The following SYNE1 variants were observed in gnomAD, a reference collection of about 807,000 sequenced individuals.
The protein encoded by SYNE1 is spectrin repeat containing nuclear envelope protein 1.
SYNE1 carries 616 observed loss-of-function variants against 1,111.0 expected under a neutral mutation model. The observed-to-expected ratio is 0.55, with a 90% CI of 0.52 to 0.59. The LOEUF (loss-of-function observed/expected upper bound fraction) is 0.59. Ranked by LOEUF, SYNE1 falls within the 20% of genes least tolerant of loss-of-function variation. The probability of loss-of-function intolerance (pLI) is 0.00; values close to 1 mark genes in which losing one functional copy is unlikely to be tolerated. For missense variants in SYNE1, 10,006 were observed against 10,417.0 expected, an observed-to-expected ratio of 0.96 and a Z score of 1.72; for synonymous variants, 3,855 against 3,825.8, an observed-to-expected ratio of 1.01 and a Z score of -0.28.
intron 135 of SYNE1, 39 bp downstream of exon 135, chr6:152,151,514 G>T (rs1181748775): frequency 6.2e-7 from 1 of 1,611,590 alleles, no homozygotes. Flanking sequence ...TCATTTTCAG[G>T]CTTTCTTCAC....
chr6:152,492,209 T>C (rs950155369), intron 11 of SYNE1, among the ~76,000 whole-genome samples: 2 of 152,210 alleles, frequency 1.3e-5, no homozygotes, highest in Admixed American at 6.5e-5. Flanking sequence ...ATTCTCAATA[T>C]GCATTTTACT....
In SYNE1 at chr6:152,121,971, T is replaced by C. The variant is rs578083197; in HGVS notation, c.*465A>G. On this transcript the variant is annotated 3_prime_UTR_variant, in exon 146 of 146. Coordinates refer to ENST00000367255, the MANE Select transcript of SYNE1 (RefSeq NM_182961.4). ...CTGCCATATAAGCTCTTAAAAATTG[T>C]ATGTTACAAGGTTCTAAAATCTCTT... is the stretch of plus-strand genomic sequence containing the variant. The C allele has an allele frequency of 1.2e-5, 2 of 167,442 alleles. No homozygotes were observed. The highest frequency in any genetic ancestry group is 1.5e-4 in the East Asian group (1 of 6,468). The allele number at this position is 167,442 out of a possible 1,614,324, so 10.4% of individuals were successfully genotyped here. A position where few individuals can be genotyped will look rare whatever the true frequency, so the allele number is the denominator to read the frequency against.
intron 77 of SYNE1, among the ~76,000 whole-genome samples, chr6:152,333,647 T>C (rs1055148061): frequency 1.3e-5 from 2 of 152,160 alleles, no homozygotes; most frequent in Non-Finnish European, 2.9e-5. Context: ...TATTTTATTT[T>C]TTTGAGACAG....
chr6:152,331,905 A>C lies in SYNE1; in HGVS notation c.12795-15T>G, dbSNP rs1157225977. 8 of 1,607,980 alleles carry C rather than the reference A, an allele frequency of 5.0e-6. No individual in the cohort carries two copies. The highest frequency in any genetic ancestry group is 1.6e-4 in the Middle Eastern group (1 of 6,062). On this transcript the variant is annotated splice_polypyrimidine_tract_variant and intron_variant, in intron 77 of 145. Transcript: ENST00000367255. ...CTGCATCAGATCTGAAAATACATGGAAAGGTATAAGAGCAAATTAGCTGTA... is the reference window on the plus strand; with the variant it reads ...CTGCATCAGATCTGAAAATACATGGCAAGGTATAAGAGCAAATTAGCTGTA...
Position 152,156,005 on chromosome 6 carries a change from G to A in SYNE1, c.23883C>T (p.Ala7961=), listed in dbSNP as rs746786933. ...EVLLHDCDAC[A]TDAECDSIQQ... ...GTATAGAGTCACACTCGGCATCAGT[G>A]GCACAGGCGTCACAGTCGTGCAGCA... Residue 7961 remains alanine, a synonymous_variant, in exon 132 of 146, where the codon GCC becomes GCT. Transcript: ENST00000367255. 2 of 1,614,078 alleles carry A rather than the reference G, an allele frequency of 1.2e-6. No individual in the cohort carries two copies. Among genetic ancestry groups the A allele is most frequent in the Non-Finnish European group, 1.7e-6 (2 of 1,180,046 alleles).
chr6:152,545,636 A>G (rs2128078407), intron 3 of SYNE1, among the ~76,000 whole-genome samples: 1 of 152,316 alleles, frequency 6.6e-6, no homozygotes, highest in South Asian at 2.1e-4. Flanking sequence ...ACATAATTAT[A>G]TATAGGTAAG....
chr6:152,372,891 T>C, intron 59 of SYNE1, 146 bp downstream of exon 59: 1 of 852,780 alleles, frequency 1.2e-6, no homozygotes, highest in Non-Finnish European at 2.0e-6. Context: ...TATTCCTTAC[T>C]GTTAGCCCAT....
At chr6:152,162,220 A>C (rs2062659787) in intron 131 of SYNE1, among the ~76,000 whole-genome samples, 2 of 152,188 alleles carry the variant, frequency 1.3e-5, no homozygotes, top group African/African-American at 2.4e-5. Flanking sequence ...CCACTTTCTG[A>C]GCCTTCTTCG....
intron 3 of SYNE1, among the ~76,000 whole-genome samples, chr6:152,592,977 T>G (rs903633262): frequency 2.0e-5 from 3 of 152,230 alleles, no homozygotes; most frequent in Non-Finnish European, 4.4e-5. Flanking sequence ...GGGTGGGCTC[T>G]GACCACCCGC....
chr6:152,411,733 A>C lies in SYNE1; in HGVS notation c.6230+1619T>G, dbSNP rs546025146. ...GTCACACACACACACACACACCCCCACACACACACACACAGAGATGGCTCT... is the reference window on the plus strand; with the variant it reads ...GTCACACACACACACACACACCCCCCCACACACACACACAGAGATGGCTCT... On this transcript the variant is annotated intron_variant, in intron 42 of 145. Coordinates refer to ENST00000367255, the MANE Select transcript of SYNE1 (RefSeq NM_182961.4). Among the ~76,000 whole-genome samples, 269 of 145,130 alleles carry C rather than the reference A, an allele frequency of 1.9e-3. 2 individuals carry two copies. Among genetic ancestry groups the C allele is most frequent in the African/African-American group, 2.0e-3 (77 of 39,074 alleles).
At position 152,221,626 on chromosome 6, in the gene SYNE1, G is replaced by T. The variant is rs1588129866; in HGVS notation, c.21523-67C>A. 7.5e-6 allele frequency: 12 copies of T among 1,599,204 alleles called. No homozygotes were observed. The East Asian group carries it at 2.5e-4, about 33-fold the overall frequency. On this transcript the variant is annotated intron_variant, in intron 117 of 145. Transcript: ENST00000367255. ...AAATTCTAATAAGCAAGTTTAAAAG[G>T]AATTTGTATATGTTTTCATAAATAT...
At chr6:152,465,851 T>G in intron 17 of SYNE1, 131 bp downstream of exon 17, 1 of 694,910 alleles carries the variant, frequency 1.4e-6, no homozygotes, top group Non-Finnish European at 2.6e-6. Context: ...ATCCAGTATG[T>G]GTTCTCCTGG....
chr6:152,167,480 A>G (rs974343419), intron 130 of SYNE1, among the ~76,000 whole-genome samples: 21 of 152,178 alleles, frequency 1.4e-4, no homozygotes, highest in African/African-American at 5.1e-4. Context: ...TTCCTGTCAT[A>G]TTTTTATTCT....
At chr6:152,253,817 GGTTTTTTT>G (rs2090044273) in intron 104 of SYNE1, among the ~76,000 whole-genome samples, 15 of 59,152 alleles carry the variant, frequency 2.5e-4, no homozygotes, top group African/African-American at 9.7e-4. Context: ...GTAGTGGTTT[GGTTTTTTT>G]TTTTTTTTTT....
At chr6:152,201,682 C>T in intron 127 of SYNE1, 142 bp downstream of exon 127, 2 of 1,196,202 alleles carry the variant, frequency 1.7e-6, no homozygotes, top group Non-Finnish European at 2.5e-6. Flanking sequence ...ACAAGTTTCA[C>T]CTGAGTTGCC....
intron 101 of SYNE1, among the ~76,000 whole-genome samples, chr6:152,261,707 T>A (rs1445079880): frequency 6.6e-6 from 1 of 152,214 alleles, no homozygotes; most frequent in Non-Finnish European, 1.5e-5. Flanking sequence ...ATCCTTGATT[T>A]CCATCCTTAC....
At position 152,151,653 on chromosome 6, in the gene SYNE1, C is replaced by T. The variant is rs777435137; in HGVS notation, c.24350G>A (p.Arg8117Gln). ...IGQREEFETA[R>Q]DSILVWLTEM... is the part of the protein sequence containing the mutation. ...TGTGAGCCAGACCAGAATGCTGTCC[C>T]GCGCAGTCTCAAACTCCTCACGCTG... The change falls in exon 135 of 146, where the codon CGG becomes CAG. Residue 8117 changes from arginine (R) to glutamine (Q), a missense_variant. This residue lies in a region of SYNE1 where 34 missense variants were observed against 68.3 expected (regional missense o/e 0.50). Coordinates refer to ENST00000367255, the MANE Select transcript of SYNE1 (RefSeq NM_182961.4). The T allele has an allele frequency of 9.9e-6, 16 of 1,614,054 alleles. No homozygotes were observed. Among genetic ancestry groups the T allele is most frequent in the South Asian group, 2.2e-5 (2 of 91,044 alleles).
Position 152,471,671 on chromosome 6 carries a change from C to G in SYNE1, c.1558G>C (p.Glu520Gln). 6.2e-7 allele frequency: 1 copy of G among 1,614,032 alleles called. No homozygotes were observed. The highest frequency in any genetic ancestry group is 8.5e-7 in the Non-Finnish European group (1 of 1,179,904). Residue 520 changes from glutamate to glutamine, a missense_variant, in exon 16 of 146, where the codon GAG becomes CAG. Glu to Gln is a conservative substitution (Grantham distance 29). Around this residue, in one of 7 missense-constraint regions of SYNE1, gnomAD observed 1,971 missense variants for 2,084.1 expected, o/e 0.95. Transcript: ENST00000367255. ...ATGATCCAAGACTTCAGCTTTGACT[C>G]TGCAAGAACCAGCAGTGAGAGCAGA... is the stretch of plus-strand genomic sequence containing the variant. ...YRLLSLLVLA[E>Q]SKLKSWIIKY...
At chr6:152,362,117 C>G in intron 64 of SYNE1, 53 bp downstream of exon 64, 1 of 1,613,734 alleles carries the variant, frequency 6.2e-7, no homozygotes, top group Non-Finnish European at 8.5e-7. Flanking sequence ...CTGACTGTGG[C>G]ATTCTAAAGA....
Sources: allele counts gnomAD v4.1 joint callset (sites outside exome capture counted in the v4.1 genomes callset), GRCh38; gene constraint gnomAD v4.1.1; regional missense constraint gnomAD v4.1.1; transcripts MANE v1.5; gene names NCBI Gene and HGNC (gene_info 2026-07-23, HGNC 2026-07-21).